Variants in FBXO5 observed in about 807,000 individuals in gnomAD.
FBXO5 encodes the protein F-box only protein 5.
In FBXO5, 8 loss-of-function variants were observed where a neutral mutation model predicts 43.3. The ratio of observed to expected loss-of-function variants is 0.18; its 90% confidence interval spans 0.11 to 0.33. FBXO5 has a LOEUF of 0.33. Among genes scored for constraint, FBXO5 ranks in the 10% least tolerant of loss-of-function variants. The probability of loss-of-function intolerance (pLI) is 1.00; values close to 1 mark genes in which losing one functional copy is unlikely to be tolerated. For synonymous variants in FBXO5, 204 were observed against 193.7 expected, an observed-to-expected ratio of 1.05 and a Z score of -0.44; for missense variants, 491 against 535.7, an observed-to-expected ratio of 0.92 and a Z score of 0.82.
intron 1 of FBXO5, among the ~76,000 whole-genome samples, chr6:152,978,438 C>T (rs1291952123): frequency 1.4e-5 from 2 of 139,082 alleles, no homozygotes; most frequent in African/African-American, 2.7e-5. Context: ...TAAAGCACTA[C>T]CAAATTGAAA....
chr6:152,974,360 G>A (rs890178131), intron 2 of FBXO5, among the ~76,000 whole-genome samples: 1 of 152,170 alleles, frequency 6.6e-6, no homozygotes, highest in South Asian at 2.1e-4. Flanking sequence ...TATTAGACAT[G>A]TAGACTGGAA....
chr6:152,972,823 T>C, intron 3 of FBXO5: 1 of 501,264 alleles, frequency 2.0e-6, no homozygotes, highest in African/African-American at 2.0e-5. Context: ...AATGAGTAAT[T>C]TTCCCTTTGT....
chr6:152,983,287 G>A (rs142346696), upstream of FBXO5: 3 of 262,716 alleles, frequency 1.1e-5, no homozygotes, highest in East Asian at 6.9e-5. Context: ...CTCCGAGCAC[G>A]GGGAGGCCGC....
At chr6:152,973,307 A>G (rs747149044) in intron 2 of FBXO5, 171 bp from the exon 3 acceptor site, 8 of 567,922 alleles carry the variant, frequency 1.4e-5, no homozygotes, top group Non-Finnish European at 2.2e-5. Flanking sequence ...AATGAAGCTC[A>G]GGGCTCTGTA....
intron 1 of FBXO5, among the ~76,000 whole-genome samples, chr6:152,981,727 T>C (rs1033555571): frequency 6.6e-6 from 1 of 151,680 alleles, no homozygotes; most frequent in Non-Finnish European, 1.5e-5. Flanking sequence ...CGATCCAGGA[T>C]CTTCTAGAAA....
intron 4 of FBXO5, among the ~76,000 whole-genome samples, 173 bp downstream of exon 4, chr6:152,972,099 T>G (rs1274214746): frequency 6.6e-6 from 1 of 152,158 alleles, no homozygotes; most frequent in Non-Finnish European, 1.5e-5. Flanking sequence ...TCCCTAATAG[T>G]TCTAATTATA....
intron 1 of FBXO5, among the ~76,000 whole-genome samples, chr6:152,978,377 T>TTTGGGGGGG (rs1491205604): frequency 4.7e-5 from 1 of 21,128 alleles, no homozygotes; most frequent in Non-Finnish European, 7.7e-5. Context: ...CTTCATTTTT[T>TTTGGGGGGG]GGGGGGGGGG....
At chr6:152,978,385 G>GC (rs1778207627) in intron 1 of FBXO5, among the ~76,000 whole-genome samples, 1 of 53,728 alleles carries the variant, frequency 1.9e-5, no homozygotes, top group Non-Finnish European at 4.0e-5. Flanking sequence ...TTTGGGGGGG[G>GC]GGGGGGGGCG....
At chr6:152,972,748 G>A (rs1778105815) in intron 3 of FBXO5, 2 of 468,342 alleles carry the variant, frequency 4.3e-6, no homozygotes, top group Non-Finnish European at 7.6e-6. Context: ...TTTTCCAGAT[G>A]TTATAAAATA....
upstream of FBXO5, chr6:152,983,261 C>T: frequency 6.7e-6 from 2 of 296,596 alleles, no homozygotes; most frequent in Non-Finnish European, 1.2e-5. Context: ...AAAGATGCTA[C>T]GGCCGGGGGC....
At chr6:152,983,165 T>G (rs1778294634), upstream of FBXO5, 3 of 398,860 alleles carry the variant, frequency 7.5e-6, no homozygotes, top group Non-Finnish European at 4.4e-6. Context: ...GGGGGCGCCC[T>G]CGTCCGCGCC....
intron 4 of FBXO5, among the ~76,000 whole-genome samples, chr6:152,971,873 G>A (rs923690843): frequency 2.0e-5 from 3 of 152,004 alleles, no homozygotes; most frequent in African/African-American, 2.4e-5. Flanking sequence ...TCTTAAAAGC[G>A]GAAAATGCAA....
In FBXO5 at chr6:152,974,974, A is replaced by G. The variant is rs1778142326; in HGVS notation, c.751T>C (p.Phe251Leu). The change falls in exon 2 of 5, where the codon TTT (phenylalanine) becomes CTT (leucine). Residue 251 changes from phenylalanine to leucine, a missense_variant. Transcript: ENST00000229758. ...AAGACATGTCTGAGTCCCCTTCGAA[A>G]GAGTTCGCTGAGAATATCTACACAT... ...LECVDILSEL[F>L]RRGLRHVLAT... is the part of the protein sequence containing the mutation. 6.2e-7 allele frequency: 1 copy of G among 1,613,306 alleles called. No individual in the cohort carries two copies. Among genetic ancestry groups the G allele is most frequent in the South Asian group, 1.1e-5 (1 of 90,888 alleles).
rs760292761 is a variant in FBXO5 at position 152,975,449 on chromosome 6, C to G, written c.276G>C (p.Arg92Ser). ...SCKDCIKDYE[R>S]LSCIGSPIVS... ...CAATCGGTGACCCAATACATGACAG[C>G]CTTTCATAGTCTTTAATGCAGTCTT... Residue 92 changes from arginine to serine, a missense_variant, in exon 2 of 5, where the codon AGG becomes AGC. Transcript: ENST00000229758. 1 of 1,614,050 alleles carries G rather than the reference C, an allele frequency of 6.2e-7. No homozygotes were observed. Among genetic ancestry groups the G allele is most frequent in the Non-Finnish European group, 8.5e-7 (1 of 1,180,006 alleles).
In FBXO5 at chr6:152,972,306, C is replaced by A; in HGVS notation, c.1058G>T (p.Gly353Val). The A allele has an allele frequency of 1.9e-6, 3 of 1,612,070 alleles. No individual in the cohort carries two copies. Among genetic ancestry groups the A allele is most frequent in the Non-Finnish European group, 2.5e-6 (3 of 1,178,800 alleles). ...TKLSNQGDQKGSTYSRHNEFS... is the reference protein window; with the variant it reads ...TKLSNQGDQKVSTYSRHNEFS... ...TTCATTGTGTCGACTATAAGTAGAA[C>A]CTTTCTGATCACCTTGATTGGATAA... Residue 353 changes from glycine to valine, a missense_variant, in exon 4 of 5, where the codon GGT (glycine) becomes GTT (valine). Coordinates refer to ENST00000229758, the MANE Select transcript of FBXO5 (RefSeq NM_012177.5).
At chr6:152,979,373 T>C (rs544874965) in intron 1 of FBXO5, among the ~76,000 whole-genome samples, 1 of 152,346 alleles carries the variant, frequency 6.6e-6, no homozygotes, top group East Asian at 1.9e-4. Context: ...TTAGGATTTG[T>C]CAAGTTTTTC....
chr6:152,971,422 GAAAA>G lies in FBXO5; in HGVS notation c.1093-12_1093-9del. The G allele has an allele frequency of 6.8e-7, 1 of 1,469,654 alleles. No individual in the cohort carries two copies. The highest frequency in any genetic ancestry group is 9.1e-7 in the Non-Finnish European group (1 of 1,097,574). The allele number at this position is 1,469,654 out of a possible 1,614,324, so 91.0% of individuals were successfully genotyped here. A position where few individuals can be genotyped will look rare whatever the true frequency, so the allele number is the denominator to read the frequency against. On this transcript the variant is annotated splice_polypyrimidine_tract_variant and intron_variant, in intron 4 of 4. Coordinates refer to ENST00000229758, the MANE Select transcript of FBXO5 (RefSeq NM_012177.5). ...TTTCAATGTCTTGGCAACCTAAAAA[GAAAA>G]AAAAAACCCATTAACAAATTTCAGC...
intron 2 of FBXO5, among the ~76,000 whole-genome samples, chr6:152,974,317 T>C (rs926575224): frequency 2.6e-5 from 4 of 152,188 alleles, no homozygotes; most frequent in Non-Finnish European, 4.4e-5. Flanking sequence ...CAAAAATTAC[T>C]TCATACTTTC....
At position 152,982,920 on chromosome 6, in the gene FBXO5, G is replaced by A. The variant is rs914350637; in HGVS notation, c.40C>T (p.Arg14Cys). 2 of 1,469,724 alleles carry A rather than the reference G, an allele frequency of 1.4e-6. No individual in the cohort carries two copies. Among genetic ancestry groups the A allele is most frequent in the South Asian group, 1.3e-5 (1 of 75,294 alleles). 91.0% of individuals were successfully genotyped at this position (1,469,724 alleles called of 1,614,324 possible). ...CTGGGGCTGGCGCTGCAGGAGCAGCGGGGTGGCCGTAGGGCGCAGCTGCAG... is the reference window on the plus strand; with the variant it reads ...CTGGGGCTGGCGCTGCAGGAGCAGCAGGGTGGCCGTAGGGCGCAGCTGCAG... ...RPCSCALRPPRCSCSASPSAV... is the reference protein window; with the variant it reads ...RPCSCALRPPCCSCSASPSAV... Residue 14 changes from arginine (R) to cysteine (C), a missense_variant, in exon 1 of 5, where the codon CGC becomes TGC. Physicochemically the swap from Arg to Cys is radical, Grantham distance 180 (BLOSUM62 -3). Transcript: ENST00000229758.
Sources: gnomAD v4.1 joint callset for allele counts (sites outside exome capture counted in the v4.1 genomes callset) on GRCh38, gnomAD v4.1.1 for gene constraint, MANE v1.5 for transcripts, NCBI Gene and HGNC (gene_info 2026-07-23, HGNC 2026-07-21) for gene names.